Variants in PCYT1A observed in about 807,000 individuals in gnomAD.
The protein encoded by PCYT1A is phosphate cytidylyltransferase 1A, choline.
Under a neutral mutation model 43.7 loss-of-function variants are expected in PCYT1A, and 25 were observed. The ratio of observed to expected loss-of-function variants is 0.57; its 90% CI spans 0.42 to 0.80. PCYT1A has a LOEUF of 0.80. Ranked by LOEUF, PCYT1A falls within the 30% of genes least tolerant of loss-of-function variation. The probability of loss-of-function intolerance (pLI) is 0.00; values close to 1 mark genes in which losing one functional copy is unlikely to be tolerated. For missense variants in PCYT1A, 421 were observed against 474.2 expected (o/e 0.89, Z 1.04); for synonymous variants, 172 against 170.7 (o/e 1.01, Z -0.06).
chr3:196,250,996 G>A, intron 3 of PCYT1A, among the ~76,000 whole-genome samples: 1 of 151,308 alleles, frequency 6.6e-6, no homozygotes, highest in Non-Finnish European at 1.5e-5. Flanking sequence ...CTATGCTGAG[G>A]CTGAGGACCA....
chr3:196,256,708 T>C (rs1577363801), intron 3 of PCYT1A, among the ~76,000 whole-genome samples: 2 of 152,046 alleles, frequency 1.3e-5, no homozygotes, highest in East Asian at 3.9e-4. Context: ...CCCAGCTAAC[T>C]TTTGTATTTT....
In PCYT1A at chr3:196,242,364, C is replaced by T; in HGVS notation, c.565+198G>A. The T allele has an allele frequency of 1.4e-6, 1 of 700,214 alleles. No homozygotes were observed. Among genetic ancestry groups the T allele is most frequent in the Non-Finnish European group, 2.6e-6 (1 of 379,134 alleles). The allele number at this position is 700,214 out of a possible 1,614,324, so 43.4% of individuals were successfully genotyped here. A position where few individuals can be genotyped will look rare whatever the true frequency, so the allele number is the denominator to read the frequency against. On this transcript the variant is annotated intron_variant, in intron 6 of 8. Coordinates refer to ENST00000431016, the MANE Select transcript of PCYT1A (RefSeq NM_001312673.2). This position sits in a 1 kb window ranked among gnomAD's most constrained non-coding sequence, Gnocchi z 4.2. ...AGATATCCAAAGTAGATGTTTAGACCAAGAATTGATGGATGTCATGAACTG... is the reference window on the plus strand; with the variant it reads ...AGATATCCAAAGTAGATGTTTAGACTAAGAATTGATGGATGTCATGAACTG...
At chr3:196,272,724 C>T (rs1725469485) in intron 1 of PCYT1A, among the ~76,000 whole-genome samples, 3 of 152,222 alleles carry the variant, frequency 2.0e-5, no homozygotes, top group Non-Finnish European at 2.9e-5. Flanking sequence ...AGGGATTCTC[C>T]TTCCCCCAAA....
In PCYT1A at chr3:196,242,113, C is replaced by CAA; in HGVS notation, c.566-25_566-24dup. On this transcript the variant is annotated intron_variant, in intron 6 of 8. Coordinates refer to ENST00000431016, the MANE Select transcript of PCYT1A (RefSeq NM_001312673.2). This position sits in a 1 kb window ranked among gnomAD's most constrained non-coding sequence, Gnocchi z 4.2. ...TGCCTAACTCAGAAACACATACAGA[C>CAA]AAACACTGTGAGGTTCTGGTTAGCT... The CAA allele has an allele frequency of 1.2e-6, 2 of 1,612,618 alleles. No individual in the cohort carries two copies. Among genetic ancestry groups the CAA allele is most frequent in the Non-Finnish European group, 1.7e-6 (2 of 1,179,160 alleles).
intron 1 of PCYT1A, among the ~76,000 whole-genome samples, chr3:196,275,296 A>T (rs1281902540): frequency 6.6e-6 from 1 of 152,254 alleles, no homozygotes; most frequent in African/African-American, 2.4e-5. Context: ...GACGAGAAAG[A>T]CAAATACCAC....
chr3:196,259,950 T>G (rs1725061058), intron 2 of PCYT1A, among the ~76,000 whole-genome samples: 1 of 121,232 alleles, frequency 8.2e-6, no homozygotes, highest in Non-Finnish European at 1.7e-5. Context: ...TGAGGCAAAG[T>G]CTTGCTCTGT....
chr3:196,254,071 G>A (rs1724882314), intron 3 of PCYT1A, among the ~76,000 whole-genome samples: 1 of 149,764 alleles, frequency 6.7e-6, no homozygotes, highest in South Asian at 2.1e-4. Context: ...CTGTCGCCCA[G>A]GCTAGAGTGC....
chr3:196,277,615 A>C lies in PCYT1A; in HGVS notation c.-10-7074T>G, dbSNP rs528738627. Among the ~76,000 whole-genome samples, 17 of 152,336 alleles carry C rather than the reference A, an allele frequency of 1.1e-4. No individual in the cohort carries two copies. In the South Asian group the frequency reaches 1.9e-3, roughly 17 times the overall value. ...GCTGGGCGCGGTGGCTCATGCCTGT[A>C]ATCCCAGCACTTTGGGAGACCAAGG... On this transcript the variant is annotated intron_variant, in intron 1 of 8. Coordinates refer to ENST00000431016, the MANE Select transcript of PCYT1A (RefSeq NM_001312673.2). This position sits in a 1 kb window ranked among gnomAD's most constrained non-coding sequence, Gnocchi z 4.1.
In PCYT1A at chr3:196,237,487, G is replaced by A. The variant is rs1724203325; in HGVS notation, c.*1201C>T. On this transcript the variant is annotated 3_prime_UTR_variant, in exon 9 of 9. Coordinates refer to ENST00000431016, the MANE Select transcript of PCYT1A (RefSeq NM_001312673.2). ...TGAGGGTATGCTCTGTGGCTTGCTG[G>A]AGGAGCAGCAGAGGGAGGTCCCTGC... The A allele has an allele frequency of 6.6e-6, 1 of 152,258 alleles. No individual in the cohort carries two copies. Among genetic ancestry groups the A allele is most frequent in the Non-Finnish European group, 1.5e-5 (1 of 68,080 alleles). The allele number at this position is 152,258 out of a possible 1,614,324, so 9.4% of individuals were successfully genotyped here. A position where few individuals can be genotyped will look rare whatever the true frequency, so the allele number is the denominator to read the frequency against.
At chr3:196,243,708 A>AT (rs1277442197) in intron 5 of PCYT1A, among the ~76,000 whole-genome samples, 4 of 152,086 alleles carry the variant, frequency 2.6e-5, no homozygotes, top group Non-Finnish European at 5.9e-5. Context: ...TGGTTTTCGT[A>AT]TTTTTTTGGT....
At chr3:196,244,053 G>A (rs1933136897) in intron 5 of PCYT1A, among the ~76,000 whole-genome samples, 1 of 150,304 alleles carries the variant, frequency 6.7e-6, no homozygotes, top group African/African-American at 2.4e-5. Context: ...AGTGAGGAGC[G>A]CCTCTTCCCG....
Position 196,239,697 on chromosome 3 carries a change from T to C in PCYT1A, c.747A>G (p.Val249=). The change falls in exon 8 of 9, where the codon GTA becomes GTG. Residue 249 remains valine, a synonymous_variant. Coordinates refer to ENST00000431016, the MANE Select transcript of PCYT1A (RefSeq NM_001312673.2). The stretch of plus-strand genomic sequence containing the variant: ...CCTCCACATCTTTCACTTTCTTCTT[T>C]ACTTTGTCAACCCTCTCCTGCAAGT... The part of the protein sequence containing the change: ...KYHLQERVDK[V]KKKVKDVEEK... 2 of 1,612,096 alleles carry C rather than the reference T, an allele frequency of 1.2e-6. No homozygotes were observed. The highest frequency in any genetic ancestry group is 1.7e-6 in the Non-Finnish European group (2 of 1,178,108).
intron 2 of PCYT1A, among the ~76,000 whole-genome samples, chr3:196,260,140 CT>C (rs1376824535): frequency 1.3e-5 from 2 of 151,780 alleles, no homozygotes; most frequent in Admixed American, 6.6e-5. Context: ...CCAGGCTGGT[CT>C]TGAACTCCTG....
chr3:196,280,567 A>ATTTTTTT (rs1725735210), intron 1 of PCYT1A, among the ~76,000 whole-genome samples: 1 of 40,816 alleles, frequency 2.5e-5, no homozygotes, highest in East Asian at 1.0e-3. Context: ...TGGTATTTTT[A>ATTTTTTT]TTGTTTTTTT....
chr3:196,270,711 A>G (rs1725405584), intron 1 of PCYT1A, among the ~76,000 whole-genome samples, 170 bp from the exon 2 acceptor site: 1 of 152,184 alleles, frequency 6.6e-6, no homozygotes, highest in Non-Finnish European at 1.5e-5. Flanking sequence ...GCTTCACAAA[A>G]CACAGGCTCT....
At chr3:196,283,154 A>G (rs185069488) in intron 1 of PCYT1A, among the ~76,000 whole-genome samples, 3 of 152,330 alleles carry the variant, frequency 2.0e-5, no homozygotes, top group Admixed American at 6.5e-5. Flanking sequence ...CCTGGCCCAC[A>G]TGATGAAACC....
intron 1 of PCYT1A, among the ~76,000 whole-genome samples, chr3:196,284,047 C>A (rs1406021867): frequency 2.0e-5 from 3 of 152,128 alleles, no homozygotes; most frequent in Non-Finnish European, 2.9e-5. Flanking sequence ...TTCAAGGTAA[C>A]ACAAACTTTG....
At chr3:196,245,041 G>A (rs1258144658) in intron 5 of PCYT1A, among the ~76,000 whole-genome samples, 1 of 151,860 alleles carries the variant, frequency 6.6e-6, no homozygotes, top group Non-Finnish European at 1.5e-5. Flanking sequence ...ATTGTCCTAT[G>A]ACCCTGCCAA....
intron 2 of PCYT1A, among the ~76,000 whole-genome samples, chr3:196,259,217 GAGA>G (rs933190401): frequency 2.0e-5 from 3 of 152,084 alleles, no homozygotes; most frequent in African/African-American, 4.8e-5. Flanking sequence ...CTGTCTTTGT[GAGA>G]AGATTTTTAA....
Sources: allele counts gnomAD v4.1 joint callset (sites outside exome capture counted in the v4.1 genomes callset), GRCh38; gene constraint gnomAD v4.1.1; non-coding constraint Gnocchi (gnomAD v3.1); transcripts MANE v1.5; gene names NCBI Gene and HGNC (gene_info 2026-07-23, HGNC 2026-07-21).